The following CDAN1 variants were observed in gnomAD, a reference collection of about 807,000 sequenced individuals.
The protein encoded by CDAN1 is codanin 1, also known as codanin-1.
In CDAN1, 107 loss-of-function variants were observed where a neutral mutation model predicts 139.8. The ratio of observed to expected loss-of-function variants is 0.77; its 90% CI spans 0.65 to 0.90. The LOEUF is 0.90. CDAN1 is among the 40% of genes least tolerant of loss of function. The pLI is 0.00. For missense variants in CDAN1, 1,667 were observed against 1,575.7 expected (o/e 1.06, Z -0.98); for synonymous variants, 776 against 660.6 (o/e 1.17, Z -2.68).
Position 42,726,345 on chromosome 15 carries a change from G to A in CDAN1, c.3169C>T (p.Leu1057=), listed in dbSNP as rs61746359. ...GVSPEHLEQL[L]GQLGQTLRCR... ...CGCAGCGTCTGGCCCAGCTGGCCTA[G>A]GAGCTGTTCCAGATGCTCTGGGGAG... The change falls in exon 24 of 28, where the codon CTA becomes TTA. Residue 1057 remains leucine, a synonymous_variant. Transcript: ENST00000356231. The A allele has an allele frequency of 1.4e-4, 222 of 1,595,156 alleles. 2 individuals carry two copies. Among genetic ancestry groups the A allele is most frequent in the Middle Eastern group, 6.7e-4 (4 of 6,012 alleles).
Position 42,735,380 on chromosome 15 carries a change from T to C in CDAN1, c.944-6A>G. ...GAGGTTTGGTACCAGGTTCTCTAGA[T>C]AGATACAAAAAGAAAGCCCATGGTA... On this transcript the variant is annotated splice_polypyrimidine_tract_variant and splice_region_variant and intron_variant, in intron 4 of 27. Transcript: ENST00000356231. 1 of 1,599,934 alleles carries C rather than the reference T, an allele frequency of 6.3e-7. No individual in the cohort carries two copies. Among genetic ancestry groups the C allele is most frequent in the Non-Finnish European group, 8.5e-7 (1 of 1,172,330 alleles).
At chr15:42,724,777 G>A (rs2061500613) in intron 27 of CDAN1, 161 bp from the exon 28 acceptor site, 1 of 969,584 alleles carries the variant, frequency 1.0e-6, no homozygotes, top group Non-Finnish European at 1.6e-6. Flanking sequence ...TTAGTACTCT[G>A]GGAGGCTGAA....
chr15:42,726,057 G>A (rs2061522626), intron 25 of CDAN1, 40 bp downstream of exon 25: 2 of 1,572,130 alleles, frequency 1.3e-6, no homozygotes, highest in Non-Finnish European at 8.8e-7. Context: ...GAGATTTGGG[G>A]GATCAGGCAA....
chr15:42,735,450 A>G (rs112769083), intron 4 of CDAN1, 60 bp downstream of exon 4: 10 of 1,605,056 alleles, frequency 6.2e-6, no homozygotes, highest in African/African-American at 5.3e-5. Flanking sequence ...TGCCTTACCA[A>G]TTCTCTTACC....
At position 42,736,733 on chromosome 15, in the gene CDAN1, C is replaced by A; in HGVS notation, c.138G>T (p.Arg46=). 6.4e-7 allele frequency: 1 copy of A among 1,559,552 alleles called. No individual in the cohort carries two copies. Among genetic ancestry groups the A allele is most frequent in the Non-Finnish European group, 8.6e-7 (1 of 1,157,060 alleles). The change falls in exon 2 of 28, where the codon CGG becomes CGT. Residue 46 remains arginine (R), a synonymous_variant. Transcript: ENST00000356231. The part of the protein sequence containing the change: ...AAALSSLRAL[R]KEFVPFLLNF... ...TCAACAGGAACGGTACGAATTCTTT[C>A]CGCAGGGCCCGGAGTGAGCTCAGCG...
At position 42,730,970 on chromosome 15, in the gene CDAN1, G is replaced by A. The variant is rs145030804; in HGVS notation, c.1962C>T (p.Pro654=). ...TGGAGTCCTGAAGCTCACCGGTCGG[G>A]GGAGGTTCAGGCCCCCGGTATGGCA... ...AFLPYRGPEP[P]PTGELQDSIL... is the part of the protein sequence containing the mutation. Residue 654 remains proline (P), a synonymous_variant, in exon 13 of 28, where the codon CCC becomes CCT. Coordinates refer to ENST00000356231, the MANE Select transcript of CDAN1 (RefSeq NM_138477.4). 6 of 1,614,172 alleles carry A rather than the reference G, an allele frequency of 3.7e-6. No individual in the cohort carries two copies. Among genetic ancestry groups the A allele is most frequent in the South Asian group, 1.1e-5 (1 of 91,084 alleles).
Position 42,725,269 on chromosome 15 carries a change from G to A in CDAN1, c.3451-18C>T, listed in dbSNP as rs1566978210. On this transcript the variant is annotated intron_variant, in intron 26 of 27. Coordinates refer to ENST00000356231, the MANE Select transcript of CDAN1 (RefSeq NM_138477.4). ...AAGTCCCACTGCAAAACACACCGAG[G>A]TCAGGGTTGCTAGGAGGACGACAGA... 1.2e-6 allele frequency: 2 copies of A among 1,609,840 alleles called. No homozygotes were observed. The highest frequency in any genetic ancestry group is 4.5e-5 in the East Asian group (2 of 44,866).
intron 10 of CDAN1, 131 bp downstream of exon 10, chr15:42,732,202 A>C (rs2061622728): frequency 3.4e-6 from 3 of 888,712 alleles, no homozygotes; most frequent in Admixed American, 1.9e-5. Context: ...CTCCGCGAGG[A>C]GTAGAACTCT....
chr15:42,731,629 C>A lies in CDAN1; in HGVS notation c.1730G>T (p.Ser577Ile). 6.2e-7 allele frequency: 1 copy of A among 1,614,084 alleles called. No homozygotes were observed. The highest frequency in any genetic ancestry group is 8.5e-7 in the Non-Finnish European group (1 of 1,179,994). The change falls in exon 11 of 28, where the codon AGT (serine) becomes ATT (isoleucine). Residue 577 changes from serine (S) to isoleucine (I), a missense_variant. Around this residue, in one of 3 missense-constraint regions of CDAN1, gnomAD observed 936 missense variants for 844.1 expected, o/e 1.11. Transcript: ENST00000356231. ...CQGFFRDFIL[S>I]ASSFQFNQHL... is the part of the protein sequence containing the mutation. ...ACACAGGGGAGCCTACCTGCTGGCA[C>A]TAAGGATGAAGTCCCTAAAGAAGCC...
chr15:42,731,955 T>G, intron 10 of CDAN1, 130 bp from the exon 11 acceptor site: 2 of 852,778 alleles, frequency 2.3e-6, no homozygotes, highest in Non-Finnish European at 3.8e-6. Flanking sequence ...AGATAGATTT[T>G]CTGAGATGTG....
intron 23 of CDAN1, 136 bp from the exon 24 acceptor site, chr15:42,726,553 C>A: frequency 1.5e-6 from 1 of 684,838 alleles, no homozygotes. Flanking sequence ...AGCCAAGTTG[C>A]CCCTAGACCT....
intron 11 of CDAN1, 118 bp from the exon 12 acceptor site, chr15:42,731,449 AAT>A: frequency 6.7e-7 from 1 of 1,497,842 alleles, no homozygotes; most frequent in Non-Finnish European, 9.3e-7. Flanking sequence ...GCCCAGGAGC[AAT>A]GAAATCACCC....
rs146289653 is a variant in CDAN1 at position 42,726,379 on chromosome 15, G to A, written c.3135C>T (p.Asp1045=). ...CCAGATGCTCTGGGGAGACTCCCTCGTCAGGGTCCCGTGGCCCCACGGCCA... is the reference window on the plus strand; with the variant it reads ...CCAGATGCTCTGGGGAGACTCCCTCATCAGGGTCCCGTGGCCCCACGGCCA... ...LSLAVGPRDP[D]EGVSPEHLEQ... Residue 1045 remains aspartate, a synonymous_variant, in exon 24 of 28, where the codon GAC becomes GAT. Transcript: ENST00000356231. 1,061 of 1,599,596 alleles carry A rather than the reference G, an allele frequency of 6.6e-4. No homozygotes were observed. The highest frequency in any genetic ancestry group is 1.7e-3 in the Middle Eastern group (10 of 6,030).
chr15:42,726,097 C>T lies in CDAN1; in HGVS notation c.3268G>A (p.Val1090Ile), dbSNP rs559053820. 2.5e-6 allele frequency: 4 copies of T among 1,613,706 alleles called. No individual in the cohort carries two copies. Among genetic ancestry groups the T allele is most frequent in the East Asian group, 4.5e-5 (2 of 44,858 alleles). The change falls in exon 25 of 28, where the codon GTT becomes ATT. Residue 1090 changes from valine to isoleucine, a missense_variant and splice_region_variant. Physicochemically the swap from Val to Ile is conservative, Grantham distance 29. This residue lies in a region of CDAN1 where 936 missense variants were observed against 844.1 expected (regional missense o/e 1.11). Transcript: ENST00000356231. The part of the protein sequence containing the change: ...KCSVELASLL[V>I]ADQIPILGPP... Reference sequence around the variant, plus strand: ...GGGATTTGATGGAAAGCAACCATACCGAGGAGGGAAGCTAACTCCACAGAG... The same window carrying T: ...GGGATTTGATGGAAAGCAACCATACTGAGGAGGGAAGCTAACTCCACAGAG...
chr15:42,731,044 G>T lies in CDAN1; in HGVS notation c.1888C>A (p.Leu630Ile). ...QGERKQFAVV[L>I]LSLRLLAKFL... ...TTAGCCAAAAGTCTCAGGCTAAGAA[G>T]CACCACAGCAAATTGCTTCCGCTCA... The change falls in exon 13 of 28, where the codon CTT becomes ATT. Residue 630 changes from leucine to isoleucine, a missense_variant. Leu to Ile is a conservative substitution (Grantham distance 5, BLOSUM62 2). Transcript: ENST00000356231. 1 of 1,614,206 alleles carries T rather than the reference G, an allele frequency of 6.2e-7. No homozygotes were observed. The highest frequency in any genetic ancestry group is 8.5e-7 in the Non-Finnish European group (1 of 1,180,032).
At chr15:42,729,174 C>T in intron 18 of CDAN1, 48 bp from the exon 19 acceptor site, 3 of 1,606,800 alleles carry the variant, frequency 1.9e-6, no homozygotes, top group Non-Finnish European at 2.6e-6. Flanking sequence ...GCCTCCCTGT[C>T]CCCGCCCCCA....
In CDAN1 at chr15:42,728,730, C is replaced by T. The variant is rs778811422; in HGVS notation, c.2726G>A (p.Gly909Glu). ...GATCTCCAACAGCTGGGCTGGGTCT[C>T]CCCCTTCCTCTCCCTGTGTCACCAG... ...EQLVTQGEEGGDPAQLLEILC... is the reference protein window; with the variant it reads ...EQLVTQGEEGEDPAQLLEILC... Residue 909 changes from glycine to glutamate, a missense_variant, in exon 20 of 28, where the codon GGA becomes GAA. Gly to Glu is a moderately conservative substitution (Grantham distance 98). Around this residue, in one of 3 missense-constraint regions of CDAN1, gnomAD observed 936 missense variants for 844.1 expected, o/e 1.11. Transcript: ENST00000356231. 4 of 1,614,198 alleles carry T rather than the reference C, an allele frequency of 2.5e-6. No individual in the cohort carries two copies. Among genetic ancestry groups the T allele is most frequent in the Non-Finnish European group, 3.4e-6 (4 of 1,180,036 alleles).
In CDAN1 at chr15:42,734,220, T is replaced by TA; in HGVS notation, c.1257+5dup. The TA allele has an allele frequency of 6.2e-7, 1 of 1,614,110 alleles. No homozygotes were observed. On this transcript the variant is annotated splice_donor_region_variant and intron_variant, in intron 7 of 27. Transcript: ENST00000356231. ...GGCTAGTGGGCAACTAAGCTGGGGTTACTACCTTGGCAACACTGCCCTCAT... is the reference window on the plus strand; with the variant it reads ...GGCTAGTGGGCAACTAAGCTGGGGTTAACTACCTTGGCAACACTGCCCTCAT...
chr15:42,732,431 G>A lies in CDAN1; in HGVS notation c.1458-23C>T, dbSNP rs2061626059. 3.1e-6 allele frequency: 5 copies of A among 1,605,818 alleles called. No individual in the cohort carries two copies. The South Asian group carries it at 3.3e-5, about 11-fold the overall frequency. Reference sequence around the variant, plus strand: ...GCCCTGAGGAATAGAAGGCAGGAATGAAGGGTGTGGAAAGGAGGGAGAGGG... The same window carrying A: ...GCCCTGAGGAATAGAAGGCAGGAATAAAGGGTGTGGAAAGGAGGGAGAGGG... On this transcript the variant is annotated intron_variant, in intron 9 of 27. Transcript: ENST00000356231.
Sources: allele counts gnomAD v4.1 joint callset, GRCh38; gene constraint gnomAD v4.1.1; regional missense constraint gnomAD v4.1.1; transcripts MANE v1.5; gene names NCBI Gene and HGNC (gene_info 2026-07-23, HGNC 2026-07-21).